LRP5: variants seen among roughly 807,000 people sequenced by gnomAD.
LRP5 encodes the protein LDL receptor related protein 5.
A neutral mutation model predicts 154.1 loss-of-function variants in LRP5; 62 were observed. The ratio of observed to expected loss-of-function variants is 0.40; its 90% CI spans 0.33 to 0.50. LRP5 has a LOEUF of 0.50. Among genes scored for constraint, LRP5 ranks in the 20% least tolerant of loss-of-function variants. The pLI is 0.55. For missense variants in LRP5, 1,915 were observed against 2,336.7 expected, an observed-to-expected ratio of 0.82 and a Z score of 3.72; for synonymous variants, 966 against 1,011.5, an observed-to-expected ratio of 0.96 and a Z score of 0.85.
chr11:68,372,399 T>G (rs2098634625), intron 5 of LRP5, among the ~76,000 whole-genome samples: 1 of 148,436 alleles, frequency 6.7e-6, no homozygotes, highest in Non-Finnish European at 1.5e-5. Flanking sequence ...GTTGAGGAGG[T>G]GCAGTGTCAG....
intron 2 of LRP5, among the ~76,000 whole-genome samples, chr11:68,354,108 AC>A (rs1172259704): frequency 6.6e-6 from 1 of 152,134 alleles, no homozygotes; most frequent in Non-Finnish European, 1.5e-5. Flanking sequence ...GTGAAACCCA[AC>A]CCCCTCTTTA....
At chr11:68,321,095 G>A (rs142213686) in intron 1 of LRP5, among the ~76,000 whole-genome samples, 1 of 143,424 alleles carries the variant, frequency 7.0e-6, no homozygotes, top group Non-Finnish European at 1.5e-5. Context: ...ATGGTATGAG[G>A]TAGGGGTCTG....
At chr11:68,377,573 G>C (rs1266879272) in intron 5 of LRP5, among the ~76,000 whole-genome samples, 2 of 152,126 alleles carry the variant, frequency 1.3e-5, no homozygotes, top group African/African-American at 4.8e-5. Context: ...TACCCCTGGG[G>C]GCAGCGGAGA....
intron 12 of LRP5, among the ~76,000 whole-genome samples, chr11:68,415,251 G>A (rs754163156): frequency 6.6e-6 from 1 of 152,144 alleles, no homozygotes; most frequent in Non-Finnish European, 1.5e-5. Flanking sequence ...GCCTTGTGGT[G>A]GCATGTGCTG....
chr11:68,371,893 G>A (rs1319531217), intron 5 of LRP5, among the ~76,000 whole-genome samples: 4 of 152,256 alleles, frequency 2.6e-5, no homozygotes, highest in African/African-American at 4.8e-5. Flanking sequence ...GAGGTGTCAC[G>A]TTGGGCAGTG....
intron 12 of LRP5, 26 bp downstream of exon 12, chr11:68,414,038 C>A: frequency 6.3e-7 from 1 of 1,591,492 alleles, no homozygotes; most frequent in South Asian, 1.1e-5. Flanking sequence ...TCCCCCGCAC[C>A]TCACTCCCTC....
At chr11:68,420,975 C>T (rs2098665210) in intron 13 of LRP5, among the ~76,000 whole-genome samples, 1 of 152,116 alleles carries the variant, frequency 6.6e-6, no homozygotes, top group Non-Finnish European at 1.5e-5. Context: ...GCCTGTAATC[C>T]CAGCACTTTG....
intron 21 of LRP5, among the ~76,000 whole-genome samples, chr11:68,443,189 T>G (rs2098679062): frequency 6.6e-6 from 1 of 152,060 alleles, no homozygotes; most frequent in African/African-American, 2.4e-5. Flanking sequence ...ATGAATGATG[T>G]AAGCATCATT....
At chr11:68,448,597 C>T (rs183410276) in intron 22 of LRP5, among the ~76,000 whole-genome samples, 20 of 152,264 alleles carry the variant, frequency 1.3e-4, no homozygotes, top group East Asian at 9.7e-4. Flanking sequence ...AGGGCAGGTG[C>T]GGGCATGCCC....
rs1368857613 is a variant in LRP5, at chr11:68,347,937, G to T, written c.182G>T (p.Gly61Val). 3 of 1,613,954 alleles carry T rather than the reference G, an allele frequency of 1.9e-6. No individual in the cohort carries two copies. Among genetic ancestry groups the T allele is most frequent in the Non-Finnish European group, 2.5e-6 (3 of 1,180,044 alleles). The change falls in exon 2 of 23, where the codon GGC (glycine) becomes GTC (valine). Residue 61 changes from glycine (G) to valine (V), a missense_variant. Gly to Val is a moderately radical substitution (Grantham distance 109). Around this residue, in one of 3 missense-constraint regions of LRP5, gnomAD observed 773 missense variants for 1,100.9 expected, o/e 0.70. Transcript: ENST00000294304. ...VKLESTIVVS[G>V]LEDAAAVDFQ... is the part of the protein sequence containing the mutation. ...CTGGAGTCCACCATCGTGGTCAGCG[G>T]CCTGGAGGATGCGGCCGCAGTGGAC... is the stretch of plus-strand genomic sequence containing the variant.
the LRP5 span, among the ~76,000 whole-genome samples, chr11:68,299,292 G>A: frequency 6.6e-6 from 1 of 152,224 alleles, no homozygotes; most frequent in Non-Finnish European, 1.5e-5. Flanking sequence ...GGGCTTGGGT[G>A]GAGGCTGCTG....
chr11:68,388,008 G>A (rs1224361934), intron 6 of LRP5, among the ~76,000 whole-genome samples: 2 of 152,264 alleles, frequency 1.3e-5, no homozygotes, highest in East Asian at 3.9e-4. Context: ...CAAGTGGACT[G>A]GTGTCTAGGA....
At chr11:68,385,344 G>A (rs1185687452) in intron 5 of LRP5, among the ~76,000 whole-genome samples, 1 of 152,190 alleles carries the variant, frequency 6.6e-6, no homozygotes, top group Non-Finnish European at 1.5e-5. Flanking sequence ...AGAGACCCAG[G>A]TGGCTGTGGG....
rs1246656625 is a variant in LRP5, at chr11:68,447,879, G to C, written c.4587-930G>C. On this transcript the variant is annotated intron_variant, in intron 22 of 22. Coordinates refer to ENST00000294304, the MANE Select transcript of LRP5 (RefSeq NM_002335.4). The surrounding 1 kb of genome is among the most constrained non-coding windows in gnomAD (Gnocchi z 4.3). ...AGTTGGGTGCAGGTAGCCTCTGGGA[G>C]GATGGGAGGTCAGGAGCCATCTTGC... 6.6e-6 allele frequency among the ~76,000 whole-genome samples: 1 copy of C among 152,196 alleles called. No individual in the cohort carries two copies. The highest frequency in any genetic ancestry group is 1.5e-5 in the Non-Finnish European group (1 of 68,038).
intron 5 of LRP5, among the ~76,000 whole-genome samples, chr11:68,382,053 ATCCT>A (rs2098640538): frequency 6.6e-6 from 1 of 152,210 alleles, no homozygotes; most frequent in South Asian, 2.1e-4. Context: ...AATGGGTTGG[ATCCT>A]GCCTCTCTCC....
rs558435531 is a variant in LRP5, at chr11:68,382,522, A to G, written c.1016-3794A>G. On this transcript the variant is annotated intron_variant, in intron 5 of 22. Coordinates refer to ENST00000294304, the MANE Select transcript of LRP5 (RefSeq NM_002335.4). ...TGTTCACGGATGGTGTCGTTCACCT[A>G]AGGTCTCTGCCCTGTGACCCCAAGG... Among the ~76,000 whole-genome samples the G allele has an allele frequency of 9.8e-5, 15 of 152,312 alleles. No individual in the cohort carries two copies. In the South Asian group the frequency reaches 3.1e-3, roughly 32 times the overall value.
At chr11:68,384,092 G>C (rs138901897) in intron 5 of LRP5, among the ~76,000 whole-genome samples, 1 of 151,960 alleles carries the variant, frequency 6.6e-6, no homozygotes, top group African/African-American at 2.4e-5. Flanking sequence ...CCCTGGGCCC[G>C]TGTCGCTGTT....
At chr11:68,417,448 G>GTTTTTTT (rs1565095730) in intron 13 of LRP5, among the ~76,000 whole-genome samples, 1 of 40,382 alleles carries the variant, frequency 2.5e-5, no homozygotes, top group African/African-American at 7.7e-5. Context: ...GAACAGATTG[G>GTTTTTTT]CTTTTTTTTT....
chr11:68,429,547 C>T, intron 16 of LRP5, 28 bp from the exon 17 acceptor site: 1 of 1,613,744 alleles, frequency 6.2e-7, no homozygotes, highest in South Asian at 1.1e-5. Flanking sequence ...AGAGCCTGAC[C>T]TCTGTTTGTC....
Sources: allele counts gnomAD v4.1 joint callset (sites outside exome capture counted in the v4.1 genomes callset), GRCh38; gene constraint gnomAD v4.1.1; regional missense constraint gnomAD v4.1.1; non-coding constraint Gnocchi (gnomAD v3.1); transcripts MANE v1.5; gene names NCBI Gene and HGNC (gene_info 2026-07-23, HGNC 2026-07-21).